IQCM: variants seen among roughly 807,000 people sequenced by gnomAD.
The protein encoded by IQCM is IQ domain-containing protein M.
Under a neutral mutation model 57.6 loss-of-function variants are expected in IQCM, and 45 were observed. The ratio of observed to expected loss-of-function variants is 0.78; its 90% CI spans 0.62 to 1.00. IQCM has a LOEUF of 1.00. Among genes scored for constraint, IQCM ranks in the 50% least tolerant of loss-of-function variants. The pLI is 0.00. For missense variants in IQCM, 468 were observed against 511.6 expected, an observed-to-expected ratio of 0.91 and a Z score of 0.82; for synonymous variants, 148 against 158.9, an observed-to-expected ratio of 0.93 and a Z score of 0.51.
At chr4:149,532,425 A>G (rs1560958051) in intron 12 of IQCM, among the ~76,000 whole-genome samples, 1 of 152,112 alleles carries the variant, frequency 6.6e-6, no homozygotes, top group Non-Finnish European at 1.5e-5. Flanking sequence ...TACCTGGGAA[A>G]TACTACAGGA....
At chr4:149,453,299 G>T (rs1737334702) in intron 12 of IQCM, among the ~76,000 whole-genome samples, 1 of 151,654 alleles carries the variant, frequency 6.6e-6, no homozygotes, top group South Asian at 2.1e-4. Flanking sequence ...GTTAGGCAAT[G>T]GTTTCCTAAA....
chr4:149,702,366 A>G (rs1279549875), intron 5 of IQCM, among the ~76,000 whole-genome samples: 1 of 151,384 alleles, frequency 6.6e-6, no homozygotes, highest in Non-Finnish European at 1.5e-5. Flanking sequence ...CCTAAATACT[A>G]CCTGTATTTT....
chr4:149,531,181 T>C lies in IQCM; in HGVS notation c.1228+17274A>G, dbSNP rs1233531659. On this transcript the variant is annotated intron_variant, in intron 12 of 13. Coordinates refer to ENST00000636793, the MANE Select transcript of IQCM (RefSeq NM_001363507.2). ...ATATTGATTGTATGATAAGATTCTATGAAGAACTATTTGATTCATTCTCTT... is the reference window on the plus strand; with the variant it reads ...ATATTGATTGTATGATAAGATTCTACGAAGAACTATTTGATTCATTCTCTT... Among the ~76,000 whole-genome samples, 12 of 152,308 alleles carry C rather than the reference T, an allele frequency of 7.9e-5. No individual in the cohort carries two copies. The East Asian group carries it at 2.3e-3, about 29-fold the overall frequency.
At chr4:149,557,700 A>G (rs1003145434) in intron 10 of IQCM, among the ~76,000 whole-genome samples, 1 of 152,128 alleles carries the variant, frequency 6.6e-6, no homozygotes, top group African/African-American at 2.4e-5. Flanking sequence ...GCATCTACAC[A>G]CCTTCTTCTC....
chr4:149,734,164 A>AAC (rs369424362), intron 4 of IQCM, among the ~76,000 whole-genome samples: 1 of 151,972 alleles, frequency 6.6e-6, no homozygotes, highest in Non-Finnish European at 1.5e-5. Flanking sequence ...TTCCCCCAAC[A>AAC]ACACACACAC....
chr4:149,681,105 A>G (rs1239379191), intron 7 of IQCM, among the ~76,000 whole-genome samples: 8 of 151,370 alleles, frequency 5.3e-5, no homozygotes, highest in Non-Finnish European at 1.2e-4. Context: ...TAGAACTTTA[A>G]CTGATGGTAA....
At chr4:149,585,004 G>C (rs1280261865) in intron 9 of IQCM, among the ~76,000 whole-genome samples, 1 of 151,702 alleles carries the variant, frequency 6.6e-6, no homozygotes, top group African/African-American at 2.4e-5. Flanking sequence ...AAATACTGCT[G>C]AGTGGGTACA....
chr4:149,420,524 T>G (rs1001472794), intron 13 of IQCM, among the ~76,000 whole-genome samples: 4 of 151,902 alleles, frequency 2.6e-5, no homozygotes, highest in African/African-American at 4.8e-5. Flanking sequence ...AGATAATGTA[T>G]GCTGGGCTTA....
intron 7 of IQCM, among the ~76,000 whole-genome samples, chr4:149,667,207 C>A (rs970120881): frequency 3.3e-5 from 5 of 152,188 alleles, no homozygotes; most frequent in African/African-American, 1.2e-4. Context: ...ATGTGCCCCT[C>A]TGGGACGGAG....
chr4:149,462,532 A>C (rs1007834238), intron 12 of IQCM, among the ~76,000 whole-genome samples: 1 of 152,210 alleles, frequency 6.6e-6, no homozygotes, highest in African/African-American at 2.4e-5. Flanking sequence ...CCTACCACCT[A>C]CATAAAACAG....
At chr4:149,615,397 G>A (rs1282430639) in intron 8 of IQCM, among the ~76,000 whole-genome samples, 1 of 152,090 alleles carries the variant, frequency 6.6e-6, no homozygotes, top group Non-Finnish European at 1.5e-5. Flanking sequence ...GTACTTCAGA[G>A]ACCATAAAAA....
intron 2 of IQCM, chr4:149,793,864 G>A (rs1433996805): frequency 6.6e-6 from 1 of 152,210 alleles, no homozygotes; most frequent in African/African-American, 2.4e-5. Flanking sequence ...TACTGCTCAG[G>A]CAGGAGGGCA....
At chr4:149,675,086 T>C (rs1320168934) in intron 7 of IQCM, among the ~76,000 whole-genome samples, 1 of 151,952 alleles carries the variant, frequency 6.6e-6, no homozygotes. Flanking sequence ...GAGGGCAAAA[T>C]CATGGGAGGA....
chr4:149,531,533 A>G (rs1579386977), intron 12 of IQCM, among the ~76,000 whole-genome samples: 1 of 152,042 alleles, frequency 6.6e-6, no homozygotes, highest in South Asian at 2.1e-4. Context: ...TTCAACAAAT[A>G]TTTATCAAGC....
At chr4:149,471,507 A>C (rs990847701) in intron 12 of IQCM, among the ~76,000 whole-genome samples, 1 of 152,212 alleles carries the variant, frequency 6.6e-6, no homozygotes, top group African/African-American at 2.4e-5. Flanking sequence ...GTCCAGGCCC[A>C]GATGGATTCA....
intron 12 of IQCM, among the ~76,000 whole-genome samples, chr4:149,451,521 A>G (rs116808655): frequency 2.8e-3 from 420 of 151,848 alleles, no homozygotes; most frequent in African/African-American, 9.8e-3. Context: ...ATTATGAGTA[A>G]GTAAGGTTTA....
chr4:149,570,712 C>T (rs144443451), intron 9 of IQCM, among the ~76,000 whole-genome samples: 1 of 152,092 alleles, frequency 6.6e-6, no homozygotes, highest in African/African-American at 2.4e-5. Context: ...TCTAGTTTTG[C>T]TAATGAAACA....
chr4:149,747,270 T>C (rs1768014757), intron 2 of IQCM, among the ~76,000 whole-genome samples: 1 of 152,182 alleles, frequency 6.6e-6, no homozygotes, highest in Non-Finnish European at 1.5e-5. Flanking sequence ...TGTGCAAAGG[T>C]ATACAGTCAT....
intron 12 of IQCM, among the ~76,000 whole-genome samples, chr4:149,490,982 C>T (rs2149774577): frequency 6.6e-6 from 1 of 152,180 alleles, no homozygotes; most frequent in African/African-American, 2.4e-5. Context: ...TCCTATGGGA[C>T]TCGCCTGGCC....
Sources: gnomAD v4.1 joint callset for allele counts (sites outside exome capture counted in the v4.1 genomes callset) on GRCh38, gnomAD v4.1.1 for gene constraint, MANE v1.5 for transcripts, NCBI Gene and HGNC (gene_info 2026-07-23, HGNC 2026-07-21) for gene names.